The following AFTPH variants were observed in gnomAD, a reference collection of about 807,000 sequenced individuals.
The protein encoded by AFTPH is aftiphilin.
In AFTPH, 7 loss-of-function variants were observed where a neutral mutation model predicts 72.5. The observed-to-expected ratio is 0.10, with a 90% CI of 0.05 to 0.18. The LOEUF (loss-of-function observed/expected upper bound fraction) is 0.18. AFTPH is among the 10% of genes least tolerant of loss of function. The pLI is 1.00. For missense variants in AFTPH, 979 were observed against 1,060.5 expected, an observed-to-expected ratio of 0.92 and a Z score of 1.07; for synonymous variants, 337 against 370.1, an observed-to-expected ratio of 0.91 and a Z score of 1.03.
At chr2:64,582,622 G>A (rs1016867680) in intron 7 of AFTPH, among the ~76,000 whole-genome samples, 8 of 147,792 alleles carry the variant, frequency 5.4e-5, no homozygotes, top group Middle Eastern at 6.8e-3. Flanking sequence ...GAATACTTAC[G>A]GGGGGGTAGG....
At chr2:64,581,413 A>G (rs977255052) in intron 7 of AFTPH, 140 bp downstream of exon 8, 1 of 654,974 alleles carries the variant, frequency 1.5e-6, no homozygotes, top group Non-Finnish European at 2.4e-6. Flanking sequence ...ATCTGTTGTT[A>G]TTTTCTAGTA....
At chr2:64,540,536 T>G (rs1026342548) in intron 1 of AFTPH, among the ~76,000 whole-genome samples, 3 of 152,180 alleles carry the variant, frequency 2.0e-5, no homozygotes, top group African/African-American at 7.2e-5. Flanking sequence ...GAAGAAAAAA[T>G]TTTTCATGGG....
chr2:64,573,028 T>C, exon 6 of AFTPH: 1 of 1,614,184 alleles, frequency 6.2e-7, no homozygotes, highest in Non-Finnish European at 8.5e-7. Flanking sequence ...ACAGCCACCA[T>C]GTCACCAGAT....
At chr2:64,541,282 G>A (rs1266773431) in intron 1 of AFTPH, among the ~76,000 whole-genome samples, 1 of 152,028 alleles carries the variant, frequency 6.6e-6, no homozygotes, top group African/African-American at 2.4e-5. Context: ...TTTAACAAAT[G>A]TCATCTTAAA....
At chr2:64,562,670 A>G (rs1671812548) in intron 2 of AFTPH, among the ~76,000 whole-genome samples, 1 of 152,184 alleles carries the variant, frequency 6.6e-6, no homozygotes, top group South Asian at 2.1e-4. Flanking sequence ...TAAATGAGCT[A>G]AACTTTGTAA....
exon 2 of AFTPH, chr2:64,553,142 T>C: frequency 6.2e-7 from 1 of 1,614,238 alleles, no homozygotes; most frequent in Non-Finnish European, 8.5e-7. Flanking sequence ...AAGACTCTGA[T>C]GATTTTGCAG....
intron 1 of AFTPH, among the ~76,000 whole-genome samples, chr2:64,530,284 TTTTTG>T (rs1354105907): frequency 6.6e-6 from 1 of 152,210 alleles, no homozygotes; most frequent in African/African-American, 2.4e-5. Context: ...TTTGTAGTTT[TTTTTG>T]TTTTAAGTCA....
intron 8 of AFTPH, among the ~76,000 whole-genome samples, chr2:64,586,663 C>G (rs1261362400): frequency 6.6e-6 from 1 of 152,126 alleles, no homozygotes; most frequent in Non-Finnish European, 1.5e-5. Context: ...CATGTAAATC[C>G]TTGTTTGTCT....
chr2:64,555,162 G>A (rs1019903460), intron 2 of AFTPH, among the ~76,000 whole-genome samples: 1 of 152,058 alleles, frequency 6.6e-6, no homozygotes, highest in African/African-American at 2.4e-5. Flanking sequence ...AATATAAAAG[G>A]AAATTTTAAA....
In AFTPH at chr2:64,526,315, A is replaced by G. The variant is rs147879560; in HGVS notation, c.-33+1703A>G. Among the ~76,000 whole-genome samples the G allele has an allele frequency of 9.0e-3, 1,367 of 152,268 alleles. 17 individuals carry two copies. Among genetic ancestry groups the G allele is most frequent in the African/African-American group, 0.03 (1,262 of 41,532 alleles). On this transcript the variant is annotated intron_variant, in intron 1 of 8. Transcript: ENST00000238856. ...TGTAGTGACATTTGAGTACCAAATA[A>G]TGTTTTATTTTGTGTGAAATCTAAA... is the stretch of plus-strand genomic sequence containing the variant.
At chr2:64,590,732 C>T (rs897532229) in intron 8 of AFTPH, among the ~76,000 whole-genome samples, 1 of 152,184 alleles carries the variant, frequency 6.6e-6, no homozygotes, top group African/African-American at 2.4e-5. Context: ...TTTTGAAAAA[C>T]TTTAGTCCTA....
intron 1 of AFTPH, among the ~76,000 whole-genome samples, chr2:64,538,345 A>G (rs922198333): frequency 6.6e-6 from 1 of 152,204 alleles, no homozygotes; most frequent in Admixed American, 6.5e-5. Context: ...AACCATCATT[A>G]AAAAAGGTCA....
Position 64,590,308 on chromosome 2 carries a change from T to C in AFTPH, c.2580-1577T>C, listed in dbSNP as rs796265730. Among the ~76,000 whole-genome samples the C allele has an allele frequency of 5.9e-5, 9 of 152,340 alleles. 1 individual carries two copies. The highest frequency in any genetic ancestry group is 2.2e-4 in the African/African-American group (9 of 41,574). On this transcript the variant is annotated intron_variant, in intron 8 of 8. Transcript: ENST00000238856. ...TGCTTCCTTCAAGTAATATTTGCTG[T>C]GTTCTCTATCTCCCTATTTTCCTGT... is the stretch of plus-strand genomic sequence containing the variant.
intron 1 of AFTPH, among the ~76,000 whole-genome samples, chr2:64,535,754 T>A (rs898601601): frequency 1.5e-5 from 2 of 134,968 alleles, no homozygotes; most frequent in African/African-American, 6.5e-5. Flanking sequence ...ATAAGAACAA[T>A]ACATTAGAAG....
chr2:64,531,275 AGTT>A (rs1281314474), intron 1 of AFTPH, among the ~76,000 whole-genome samples: 2 of 152,124 alleles, frequency 1.3e-5, no homozygotes, highest in Non-Finnish European at 2.9e-5. Context: ...TTAGAAGTAG[AGTT>A]ATTAAGTCAG....
intron 2 of AFTPH, among the ~76,000 whole-genome samples, chr2:64,557,459 T>A (rs1449067481): frequency 6.6e-6 from 1 of 152,208 alleles, no homozygotes. Flanking sequence ...TACCTTGGCT[T>A]GTGTTAGTTC....
At chr2:64,575,593 G>T (rs1672714354) in intron 6 of AFTPH, among the ~76,000 whole-genome samples, 1 of 151,762 alleles carries the variant, frequency 6.6e-6, no homozygotes, top group Non-Finnish European at 1.5e-5. Context: ...CTCCAGCCTA[G>T]GCAACAGAGT....
At chr2:64,529,191 G>A (rs1669455684) in intron 1 of AFTPH, among the ~76,000 whole-genome samples, 1 of 152,080 alleles carries the variant, frequency 6.6e-6, no homozygotes, top group South Asian at 2.1e-4. Context: ...TATATCCTGT[G>A]TTCTAACCAT....
At chr2:64,552,741 A>G (rs767684221) in exon 2 of AFTPH, 2 of 1,614,192 alleles carry the variant, frequency 1.2e-6, no homozygotes, top group South Asian at 1.1e-5. Context: ...TGACTTTGTG[A>G]CTTGCAATGA....
Sources: allele counts gnomAD v4.1 joint callset (sites outside exome capture counted in the v4.1 genomes callset), GRCh38; gene constraint gnomAD v4.1.1; transcripts MANE v1.5; gene names NCBI Gene and HGNC (gene_info 2026-07-23, HGNC 2026-07-21).